Variants in NPAS3 observed in about 807,000 individuals in gnomAD.
The protein encoded by NPAS3 is neuronal PAS domain protein 3, also known as neuronal PAS domain-containing protein 3.
NPAS3 carries 14 observed loss-of-function variants against 73.1 expected under a neutral mutation model. That is an observed-to-expected ratio of 0.19 (90% CI 0.13 to 0.30). The LOEUF (loss-of-function observed/expected upper bound fraction) is 0.30, where lower values mean the gene tolerates loss of function less well. Ranked by LOEUF, NPAS3 falls within the 10% of genes least tolerant of loss-of-function variation. NPAS3 has a pLI of 1.00. For missense variants in NPAS3, 1,096 were observed against 1,250.0 expected, an observed-to-expected ratio of 0.88 and a Z score of 1.86; for synonymous variants, 620 against 541.5, an observed-to-expected ratio of 1.14 and a Z score of -2.01.
chr14:33,432,771 A>G (rs2048835823), intron 4 of NPAS3, among the ~76,000 whole-genome samples: 1 of 152,206 alleles, frequency 6.6e-6, no homozygotes, highest in African/African-American at 2.4e-5. Flanking sequence ...TTAATGAACA[A>G]GCAGTTGTCT....
chr14:33,070,753 A>G (rs1280794236), intron 2 of NPAS3, among the ~76,000 whole-genome samples: 1 of 152,236 alleles, frequency 6.6e-6, no homozygotes, highest in East Asian at 1.9e-4. Flanking sequence ...ACTAGTTACA[A>G]CTATCCAGTG....
chr14:33,595,289 T>C (rs2057200710), intron 5 of NPAS3, among the ~76,000 whole-genome samples: 1 of 152,182 alleles, frequency 6.6e-6, no homozygotes, highest in South Asian at 2.1e-4. Flanking sequence ...ACTTTGACCA[T>C]TTGTGGCAAG....
intron 4 of NPAS3, among the ~76,000 whole-genome samples, chr14:33,477,621 G>A (rs989154036): frequency 3.3e-5 from 5 of 152,090 alleles, no homozygotes; most frequent in African/African-American, 1.2e-4. Context: ...TCTGGACTTA[G>A]GTTTCCCTGC....
At chr14:33,283,736 A>T (rs945503216) in intron 3 of NPAS3, among the ~76,000 whole-genome samples, 1 of 152,342 alleles carries the variant, frequency 6.6e-6, no homozygotes, top group East Asian at 1.9e-4. Context: ...CAGACAAAAT[A>T]GAAAGAAAAG....
intron 3 of NPAS3, among the ~76,000 whole-genome samples, chr14:33,242,329 T>G (rs1033004483): frequency 6.6e-5 from 10 of 152,062 alleles, no homozygotes; most frequent in Admixed American, 2.6e-4. Flanking sequence ...GCTATAAAAG[T>G]CAGGAAGCCA....
At chr14:33,389,558 CAT>C (rs1260301850) in intron 4 of NPAS3, among the ~76,000 whole-genome samples, 1 of 152,162 alleles carries the variant, frequency 6.6e-6, no homozygotes, top group Admixed American at 6.5e-5. Flanking sequence ...ATGCAGCTCT[CAT>C]ATATTAAAGG....
chr14:33,458,040 G>C (rs2050099937), intron 4 of NPAS3, among the ~76,000 whole-genome samples: 1 of 152,186 alleles, frequency 6.6e-6, no homozygotes, highest in Non-Finnish European at 1.5e-5. Context: ...TACTTTCAAG[G>C]ACATAGCTGT....
At chr14:33,651,386 G>T (rs1337189729) in intron 5 of NPAS3, among the ~76,000 whole-genome samples, 1 of 152,150 alleles carries the variant, frequency 6.6e-6, no homozygotes, top group Non-Finnish European at 1.5e-5. Flanking sequence ...AGTTTTCAAA[G>T]TTAAATCATT....
At chr14:33,373,667 T>C (rs2046193811) in intron 4 of NPAS3, among the ~76,000 whole-genome samples, 1 of 152,174 alleles carries the variant, frequency 6.6e-6, no homozygotes, top group Admixed American at 6.6e-5. Context: ...GGTGGAAATA[T>C]TGTATCCATG....
rs117612297 is a variant in NPAS3 at position 33,556,987 on chromosome 14, G to A, written c.469-3134G>A. Among the ~76,000 whole-genome samples the A allele has an allele frequency of 4.6e-3, 695 of 152,288 alleles. 5 individuals are homozygous for A. Among genetic ancestry groups the A allele is most frequent in the Non-Finnish European group, 6.7e-3 (459 of 68,020 alleles). The stretch of plus-strand genomic sequence containing the variant: ...TGTACCAAGCCATGGCTATCAGGTC[G>A]AATGGAAAATCTAATAAGCCCTTTT... On this transcript the variant is annotated intron_variant, in intron 4 of 11. Coordinates refer to ENST00000356141, the Ensembl canonical transcript of NPAS3.
intron 4 of NPAS3, among the ~76,000 whole-genome samples, chr14:33,459,572 ATCTC>A (rs1817961034): frequency 1.3e-5 from 2 of 152,196 alleles, no homozygotes; most frequent in Non-Finnish European, 2.9e-5. Context: ...GAGTCAGTTT[ATCTC>A]TCTGATTTAT....
rs914610397 is a variant in NPAS3 at position 33,613,019 on chromosome 14, A to G, written c.558+52809A>G. Reference sequence around the variant, plus strand: ...GCTGTTTTTATGTGTTTCATGTTTTATAATTCCTGATAGAGATCAGGTAGT... The same window carrying G: ...GCTGTTTTTATGTGTTTCATGTTTTGTAATTCCTGATAGAGATCAGGTAGT... On this transcript the variant is annotated intron_variant, in intron 5 of 11. Coordinates refer to ENST00000356141, the Ensembl canonical transcript of NPAS3. Among the ~76,000 whole-genome samples, 8 of 152,362 alleles carry G rather than the reference A, an allele frequency of 5.3e-5. No homozygotes were observed. In the East Asian group the frequency reaches 1.5e-3, roughly 29 times the overall value.
intron 3 of NPAS3, among the ~76,000 whole-genome samples, chr14:33,363,166 C>T (rs547030620): frequency 2.0e-5 from 3 of 152,294 alleles, no homozygotes; most frequent in African/African-American, 4.8e-5. Flanking sequence ...GAGCGTTAAT[C>T]CTCAGCCCTC....
chr14:33,164,065 C>T (rs764428348), intron 2 of NPAS3, among the ~76,000 whole-genome samples: 3 of 152,102 alleles, frequency 2.0e-5, no homozygotes, highest in African/African-American at 2.4e-5. Context: ...GGTTTTTGCA[C>T]GGCCAAATAT....
intron 5 of NPAS3, chr14:33,612,289 C>G: frequency 2.4e-6 from 1 of 412,296 alleles, no homozygotes; most frequent in South Asian, 1.7e-5. Flanking sequence ...CTCTCTCTTT[C>G]CATTCACATT....
Position 33,630,764 on chromosome 14 carries a change from C to T in NPAS3, c.559-45447C>T, listed in dbSNP as rs376615313. Among the ~76,000 whole-genome samples the T allele has an allele frequency of 3.6e-4, 55 of 152,198 alleles. 1 individual carries two copies. The South Asian group carries it at 0.011, about 29-fold the overall frequency. The stretch of plus-strand genomic sequence containing the variant: ...ATGGAGAAGGGAGGGCTTGCTGTGA[C>T]GTCGGGTTAAATATTCAAGGCTTTC... On this transcript the variant is annotated intron_variant, in intron 5 of 11. Transcript: ENST00000356141.
intron 7 of NPAS3, among the ~76,000 whole-genome samples, chr14:33,758,230 A>G (rs908904925): frequency 6.6e-6 from 1 of 152,044 alleles, no homozygotes; most frequent in Non-Finnish European, 1.5e-5. Flanking sequence ...ACTCCTCTCC[A>G]TTTCTGAACA....
chr14:33,371,190 A>T (rs2046072113), intron 4 of NPAS3, among the ~76,000 whole-genome samples: 1 of 152,290 alleles, frequency 6.6e-6, no homozygotes, highest in Non-Finnish European at 1.5e-5. Context: ...TAATAATGTC[A>T]AGGTAGCTAA....
intron 2 of NPAS3, among the ~76,000 whole-genome samples, chr14:33,142,752 A>G (rs1470596360): frequency 1.3e-5 from 2 of 152,216 alleles, no homozygotes; most frequent in Admixed American, 6.5e-5. Flanking sequence ...ACACATATCT[A>G]TATTTGTTCA....
Sources: allele counts gnomAD v4.1 joint callset (sites outside exome capture counted in the v4.1 genomes callset), GRCh38; gene constraint gnomAD v4.1.1; transcripts MANE v1.5; gene names NCBI Gene and HGNC (gene_info 2026-07-23, HGNC 2026-07-21).